Variants in ACER3 observed in about 807,000 individuals in gnomAD.
ACER3 encodes alkCDase 3.
A neutral mutation model predicts 48.9 loss-of-function variants in ACER3; 16 were observed. That is an observed-to-expected ratio of 0.33 (90% CI 0.22 to 0.50). The LOEUF is 0.50. ACER3 is among the 20% of genes least tolerant of loss of function. ACER3 has a pLI of 0.98. For synonymous variants in ACER3, 109 were observed against 107.8 expected, an observed-to-expected ratio of 1.01 and a Z score of -0.07; for missense variants, 227 against 326.0, an observed-to-expected ratio of 0.70 and a Z score of 2.34.
At chr11:76,904,986 G>A (rs1311057175) in intron 1 of ACER3, among the ~76,000 whole-genome samples, 2 of 152,208 alleles carry the variant, frequency 1.3e-5, no homozygotes, top group East Asian at 3.9e-4. Flanking sequence ...CGGGTAGCTG[G>A]CATTGCAGGT....
At chr11:76,896,727 T>C (rs1404710855) in intron 1 of ACER3, among the ~76,000 whole-genome samples, 2 of 152,184 alleles carry the variant, frequency 1.3e-5, no homozygotes, top group Non-Finnish European at 2.9e-5. Flanking sequence ...TCTCAAACTT[T>C]TTGCTTTCAG....
intron 2 of ACER3, among the ~76,000 whole-genome samples, chr11:76,947,282 GA>G (rs1336973709): frequency 6.6e-6 from 1 of 152,154 alleles, no homozygotes; most frequent in East Asian, 1.9e-4. Flanking sequence ...CAGTTCCCAA[GA>G]GGAGAGGGTA....
intron 1 of ACER3, among the ~76,000 whole-genome samples, chr11:76,917,476 G>A (rs552250237): frequency 2.6e-5 from 4 of 152,166 alleles, no homozygotes; most frequent in South Asian, 2.1e-4. Context: ...CACTTTGGGG[G>A]GCTGAGGTGG....
chr11:76,936,808 C>T (rs1408657180), intron 2 of ACER3, among the ~76,000 whole-genome samples: 1 of 151,780 alleles, frequency 6.6e-6, no homozygotes, highest in Non-Finnish European at 1.5e-5. Context: ...CCCTCCCCCA[C>T]CTGGGTTCAG....
At chr11:76,903,898 A>G (rs1173921163) in intron 1 of ACER3, among the ~76,000 whole-genome samples, 2 of 152,118 alleles carry the variant, frequency 1.3e-5, no homozygotes, top group African/African-American at 2.4e-5. Flanking sequence ...GACATTTACT[A>G]TCTATTATTC....
In ACER3 at chr11:76,968,474, C is replaced by T. The variant is rs1004620725; in HGVS notation, c.268-7815C>T. Among the ~76,000 whole-genome samples the T allele has an allele frequency of 2.6e-5, 4 of 152,124 alleles. 1 individual carries two copies. Among genetic ancestry groups the T allele is most frequent in the African/African-American group, 4.8e-5 (2 of 41,424 alleles). Reference sequence around the variant, plus strand: ...GTCCACATGGAACCAAAAAAGAGCCCGCATAGCCAAGTCAATCCTAAGCCA... The same window carrying T: ...GTCCACATGGAACCAAAAAAGAGCCTGCATAGCCAAGTCAATCCTAAGCCA... On this transcript the variant is annotated intron_variant, in intron 3 of 10. Coordinates refer to ENST00000532485, the MANE Select transcript of ACER3 (RefSeq NM_018367.7).
Position 77,020,629 on chromosome 11 carries a change from G to GT in ACER3, c.*305dup. On this transcript the variant is annotated 3_prime_UTR_variant, in exon 11 of 11. Coordinates refer to ENST00000532485, the MANE Select transcript of ACER3 (RefSeq NM_018367.7). The stretch of plus-strand genomic sequence containing the variant: ...TTGGGCTTTTCTTAACAGGTTAACA[G>GT]TTTGTGCTGGTTATAAGAAATTAAC... 1 of 282,302 alleles carries GT rather than the reference G, an allele frequency of 3.5e-6. No individual in the cohort carries two copies. Among genetic ancestry groups the GT allele is most frequent in the Non-Finnish European group, 6.6e-6 (1 of 150,560 alleles). 17.5% of individuals were successfully genotyped at this position (282,302 alleles called of 1,614,324 possible).
intron 1 of ACER3, among the ~76,000 whole-genome samples, chr11:76,891,508 A>G (rs1431634167): frequency 2.6e-5 from 4 of 152,308 alleles, no homozygotes; most frequent in Non-Finnish European, 4.4e-5. Context: ...ATAAACACAA[A>G]TAAGTGTTTC....
chr11:76,959,491 A>G (rs1275229951), intron 3 of ACER3, among the ~76,000 whole-genome samples: 2 of 152,140 alleles, frequency 1.3e-5, no homozygotes, highest in African/African-American at 4.8e-5. Context: ...ATGCAGCCCA[A>G]TACAAATTCA....
chr11:77,007,394 G>A (rs1263874116), intron 7 of ACER3, among the ~76,000 whole-genome samples: 3 of 152,128 alleles, frequency 2.0e-5, no homozygotes, highest in Non-Finnish European at 2.9e-5. Flanking sequence ...CCAGGTACTC[G>A]TAGAAGTCTA....
intron 1 of ACER3, among the ~76,000 whole-genome samples, chr11:76,918,120 A>G (rs1946586296): frequency 6.6e-6 from 1 of 152,160 alleles, no homozygotes; most frequent in Non-Finnish European, 1.5e-5. Context: ...CAGGATAGGT[A>G]CCAAAGTTAT....
intron 7 of ACER3, among the ~76,000 whole-genome samples, chr11:77,005,036 C>CTT (rs57411582): frequency 8.9e-5 from 10 of 112,864 alleles, no homozygotes; most frequent in Non-Finnish European, 1.2e-4. Flanking sequence ...TAAACTTTTT[C>CTT]TTTTTTTTTT....
intron 2 of ACER3, among the ~76,000 whole-genome samples, chr11:76,956,231 G>C (rs1947835505): frequency 6.6e-6 from 1 of 152,130 alleles, no homozygotes; most frequent in South Asian, 2.1e-4. Flanking sequence ...AGCAAAACTT[G>C]GTGGTTTGCT....
chr11:76,999,523 C>G (rs1555019371), intron 7 of ACER3, among the ~76,000 whole-genome samples: 1 of 152,018 alleles, frequency 6.6e-6, no homozygotes, highest in East Asian at 1.9e-4. Flanking sequence ...ATATCAAAAC[C>G]AAGGCTTGAT....
intron 1 of ACER3, among the ~76,000 whole-genome samples, chr11:76,874,092 G>T (rs781671649): frequency 6.6e-6 from 1 of 152,114 alleles, no homozygotes; most frequent in African/African-American, 2.4e-5. Flanking sequence ...GACAGTAAAA[G>T]CATTTTATGG....
At chr11:76,921,822 C>G (rs1017567511) in intron 1 of ACER3, among the ~76,000 whole-genome samples, 1 of 152,098 alleles carries the variant, frequency 6.6e-6, no homozygotes, top group African/African-American at 2.4e-5. Context: ...ACTGCAGTTA[C>G]GTGTTCAGAT....
intron 3 of ACER3, among the ~76,000 whole-genome samples, chr11:76,973,927 C>T (rs1454052193): frequency 6.6e-6 from 1 of 152,106 alleles, no homozygotes; most frequent in African/African-American, 2.4e-5. Flanking sequence ...GGTCTGGCTT[C>T]ATTCTATAGT....
At chr11:76,996,043 GTCTT>G (rs1182382440) in intron 6 of ACER3, among the ~76,000 whole-genome samples, 3 of 151,948 alleles carry the variant, frequency 2.0e-5, no homozygotes, top group Non-Finnish European at 4.4e-5. Context: ...TTTCTCCCTA[GTCTT>G]TCTTCTCTTC....
At chr11:77,020,030 T>C (rs1271721850) in intron 10 of ACER3, among the ~76,000 whole-genome samples, 7 of 152,248 alleles carry the variant, frequency 4.6e-5, no homozygotes, top group Non-Finnish European at 1.0e-4. Flanking sequence ...AGATAATTTA[T>C]ATGCCCAGCT....
Sources: gnomAD v4.1 joint callset for allele counts (sites outside exome capture counted in the v4.1 genomes callset) on GRCh38, gnomAD v4.1.1 for gene constraint, MANE v1.5 for transcripts, NCBI Gene and HGNC (gene_info 2026-07-23, HGNC 2026-07-21) for gene names.